The following HEATR4 variants were observed in gnomAD, a reference collection of about 807,000 sequenced individuals.
HEATR4 encodes the protein HEAT repeat-containing protein 4.
In HEATR4, 95 loss-of-function variants were observed where a neutral mutation model predicts 108.8. That is an observed-to-expected ratio of 0.87 (90% CI 0.74 to 1.04). The LOEUF (loss-of-function observed/expected upper bound fraction) is 1.04, where lower values mean the gene tolerates loss of function less well. HEATR4 is among the 50% of genes least tolerant of loss of function. The pLI, the probability that HEATR4 is intolerant of heterozygous loss-of-function variation, is 0.00. For missense variants in HEATR4, 1,152 were observed against 1,253.8 expected, an observed-to-expected ratio of 0.92 and a Z score of 1.23; for synonymous variants, 443 against 459.4, an observed-to-expected ratio of 0.96 and a Z score of 0.46.
intron 2 of HEATR4, among the ~76,000 whole-genome samples, chr14:73,525,721 A>G (rs541855316): frequency 6.6e-6 from 1 of 152,252 alleles, no homozygotes; most frequent in East Asian, 1.9e-4. Flanking sequence ...GGGAGGCTAA[A>G]TTGGGCAAAT....
At chr14:73,487,305 G>T (rs945059440) in intron 17 of HEATR4, among the ~76,000 whole-genome samples, 2 of 151,820 alleles carry the variant, frequency 1.3e-5, no homozygotes, top group Admixed American at 6.6e-5. Context: ...AGTGGCTCGC[G>T]CCTGTAATCC....
chr14:73,603,837 G>A, the HEATR4 span, among the ~76,000 whole-genome samples: 7 of 151,904 alleles, frequency 4.6e-5, no homozygotes, highest in South Asian at 6.2e-4. Flanking sequence ...AGGTTCAAGC[G>A]ATTCTTCTGC....
In HEATR4 at chr14:73,538,783, C is replaced by A. The variant is rs546766750; in HGVS notation, c.-151-8539G>T. Among the ~76,000 whole-genome samples the A allele has an allele frequency of 7.7e-3, 869 of 113,316 alleles. 179 individuals are homozygous for A. Among genetic ancestry groups the A allele is most frequent in the African/African-American group, 0.023 (808 of 34,716 alleles). The allele number at this position is 113,316 out of a possible 152,430, so 74.3% of individuals were successfully genotyped here. ...AAGAGTTCGAGACCAGCCTGGCCAA[C>A]ATGGTGAAACCCCGTCTCTACTAAA... is the stretch of plus-strand genomic sequence containing the variant. On this transcript the variant is annotated intron_variant, in intron 1 of 17. Coordinates refer to ENST00000553558, the MANE Select transcript of HEATR4 (RefSeq NM_001220484.1).
At chr14:73,581,502 A>G in the HEATR4 span, 6 of 152,068 alleles carry the variant, frequency 3.9e-5, no homozygotes, top group East Asian at 1.2e-3. Flanking sequence ...TCCAGGCCTC[A>G]ATACAATGGG....
chr14:73,591,062 G>T, the HEATR4 span, among the ~76,000 whole-genome samples: 1 of 151,664 alleles, frequency 6.6e-6, no homozygotes, highest in South Asian at 2.1e-4. Context: ...GGGAAACAGG[G>T]TGACACCTCC....
Position 73,495,236 on chromosome 14 carries a change from G to GT in HEATR4, c.2776dup (p.Thr926AsnfsTer5). On this transcript the variant is annotated frameshift_variant, in exon 16 of 18. Transcript: ENST00000553558. LOFTEE classifies it high-confidence loss of function. ...ACCCCTAGGAAACCTACCCTGAAAA[G>GT]TTTCTTGGAGTAAAGTCTGGAGTGT... is the stretch of plus-strand genomic sequence containing the variant. The GT allele has an allele frequency of 6.2e-7, 1 of 1,613,276 alleles. No individual in the cohort carries two copies. The highest frequency in any genetic ancestry group is 8.5e-7 in the Non-Finnish European group (1 of 1,179,744).
the HEATR4 span, among the ~76,000 whole-genome samples, chr14:73,566,108 T>C: frequency 6.6e-6 from 1 of 152,006 alleles, no homozygotes; most frequent in Non-Finnish European, 1.5e-5. Flanking sequence ...TACAGAGTGT[T>C]GATTGGTGCA....
the HEATR4 span, chr14:73,595,271 A>G: frequency 2.5e-6 from 4 of 1,614,210 alleles, no homozygotes; most frequent in African/African-American, 1.3e-5. Flanking sequence ...CATTGTGGAT[A>G]TAAGGAATGC....
the HEATR4 span, among the ~76,000 whole-genome samples, chr14:73,613,212 A>T: frequency 3.9e-5 from 6 of 152,132 alleles, no homozygotes; most frequent in Non-Finnish European, 5.9e-5. Flanking sequence ...ATCGTAGCTC[A>T]CACTGCAGCC....
At chr14:73,612,782 A>G in the HEATR4 span, 12,151 of 1,361,812 alleles carry the variant, frequency 8.9e-3, 75 homozygotes, top group Admixed American at 0.015. Context: ...GCTGGGAGGC[A>G]GCTTCGCGGG....
chr14:73,592,178 G>C, the HEATR4 span: 2 of 1,605,604 alleles, frequency 1.2e-6, no homozygotes, highest in Non-Finnish European at 1.7e-6. Flanking sequence ...GCAGCTTCGC[G>C]GGACTCGAGC....
intron 8 of HEATR4, 89 bp downstream of exon 8, chr14:73,509,223 C>T: frequency 8.0e-7 from 1 of 1,247,086 alleles, no homozygotes; most frequent in African/African-American, 1.5e-5. Flanking sequence ...CATTGCAGAG[C>T]ATCACAGTGG....
At chr14:73,500,140 G>A (rs555505795) in intron 12 of HEATR4, among the ~76,000 whole-genome samples, 19 of 152,312 alleles carry the variant, frequency 1.2e-4, no homozygotes, top group African/African-American at 3.4e-4. Flanking sequence ...TGAGGCAGGA[G>A]AATGGCGTGA....
chr14:73,512,115 C>G lies in HEATR4; in HGVS notation c.1449G>C (p.Leu483=). ...IEWHHETVEN[L]LQSLGDLHDD... Reference sequence around the variant, plus strand: ...CATGCAGGTCTCCCAAGCTCTGAAGCAGGTTCTCTACTGTCTCATGGTGCC... The same window carrying G: ...CATGCAGGTCTCCCAAGCTCTGAAGGAGGTTCTCTACTGTCTCATGGTGCC... Residue 483 remains leucine, a synonymous_variant, in exon 7 of 18, where the codon CTG becomes CTC. Coordinates refer to ENST00000553558, the MANE Select transcript of HEATR4 (RefSeq NM_001220484.1). 1 of 1,614,186 alleles carries G rather than the reference C, an allele frequency of 6.2e-7. No individual in the cohort carries two copies. Among genetic ancestry groups the G allele is most frequent in the Non-Finnish European group, 8.5e-7 (1 of 1,180,034 alleles).
chr14:73,555,954 G>A lies in HEATR4; in HGVS notation c.-152+2797C>T, dbSNP rs546369576. On this transcript the variant is annotated intron_variant, in intron 1 of 17. Transcript: ENST00000553558. ...TGACAAGCAGAGGTTGCAGCGAGCCGAGATCGTGCCACCGCACTCCAGCCT... is the reference window on the plus strand; with the variant it reads ...TGACAAGCAGAGGTTGCAGCGAGCCAAGATCGTGCCACCGCACTCCAGCCT... Among the ~76,000 whole-genome samples the A allele has an allele frequency of 3.6e-5, 4 of 111,336 alleles. 1 individual carries two copies. The highest frequency in any genetic ancestry group is 1.5e-3 in the East Asian group (2 of 1,368). 73.0% of individuals were successfully genotyped at this position (111,336 alleles called of 152,430 possible).
rs752940929 is a variant in HEATR4, at chr14:73,500,720, C to G, written c.2116G>C (p.Gly706Arg). Residue 706 changes from glycine (G) to arginine (R), a missense_variant, in exon 12 of 18, where the codon GGT becomes CGT. By Grantham distance (125) the Gly-to-Arg change is moderately radical. Transcript: ENST00000553558. ...EVHDIIRVKLGQGNSQERVEA... is the reference protein window; with the variant it reads ...EVHDIIRVKLRQGNSQERVEA... ...ACACGCTCCTGGGAATTTCCTTGAC[C>G]TAGCTTGACCCTGTAAGGCACAAGT... is the stretch of plus-strand genomic sequence containing the variant. 6.2e-7 allele frequency: 1 copy of G among 1,613,542 alleles called. No individual in the cohort carries two copies. Among genetic ancestry groups the G allele is most frequent in the Admixed American group, 1.7e-5 (1 of 59,980 alleles).
At chr14:73,552,111 T>C (rs1452237958) in intron 1 of HEATR4, among the ~76,000 whole-genome samples, 2 of 114,520 alleles carry the variant, frequency 1.7e-5, no homozygotes, top group African/African-American at 5.7e-5. Flanking sequence ...TAAAGACTTT[T>C]TAAATAAACT....
At position 73,514,077 on chromosome 14, in the gene HEATR4, C is replaced by T; in HGVS notation, c.1368G>A (p.Val456=). 6.2e-7 allele frequency: 1 copy of T among 1,614,194 alleles called. No homozygotes were observed. Among genetic ancestry groups the T allele is most frequent in the Non-Finnish European group, 8.5e-7 (1 of 1,180,034 alleles). The change falls in exon 6 of 18, where the codon GTG becomes GTA. Residue 456 remains valine, a synonymous_variant. Coordinates refer to ENST00000553558, the MANE Select transcript of HEATR4 (RefSeq NM_001220484.1). Reference sequence around the variant, plus strand: ...ATTCCTTCAGCATCCTCCGCAGGACCACCAGTTCCCAGGTCACATCCTCCT... The same window carrying T: ...ATTCCTTCAGCATCCTCCGCAGGACTACCAGTTCCCAGGTCACATCCTCCT... ...SLQEDVTWEL[V]VLRRMLKEWK...
rs895087160 is a variant in HEATR4 at position 73,478,810 on chromosome 14, T to A, written c.2877A>T (p.Leu959Phe). ...PVKPRAPNPWLQSSVPGLTTR... is the reference protein window; with the variant it reads ...PVKPRAPNPWFQSSVPGLTTR... ...TGGTTAGGCCTGGGACTGAACTTTG[T>A]AACCAGGGATTTGGTGCGCGGGGCT... is the stretch of plus-strand genomic sequence containing the variant. The change falls in exon 18 of 18, where the codon TTA (leucine) becomes TTT (phenylalanine). Residue 959 changes from leucine to phenylalanine, a missense_variant. By Grantham distance (22) the Leu-to-Phe change is conservative. Coordinates refer to ENST00000553558, the MANE Select transcript of HEATR4 (RefSeq NM_001220484.1). The A allele has an allele frequency of 2.5e-6, 4 of 1,610,340 alleles. No homozygotes were observed. Among genetic ancestry groups the A allele is most frequent in the Non-Finnish European group, 3.4e-6 (4 of 1,178,246 alleles).
Sources: allele counts gnomAD v4.1 joint callset (sites outside exome capture counted in the v4.1 genomes callset), GRCh38; gene constraint gnomAD v4.1.1; transcripts MANE v1.5; gene names NCBI Gene and HGNC (gene_info 2026-07-23, HGNC 2026-07-21).